The following PCDH15 variants were observed in gnomAD, a reference collection of about 807,000 sequenced individuals.
PCDH15 encodes protocadherin-15.
PCDH15 carries 129 observed loss-of-function variants against 178.5 expected under a neutral mutation model. The observed-to-expected ratio is 0.72, with a 90% CI of 0.63 to 0.84. The LOEUF is 0.84. Ranked by LOEUF, PCDH15 falls within the 40% of genes least tolerant of loss-of-function variation. The pLI is 0.00. For missense variants in PCDH15, 2,230 were observed against 2,099.9 expected (o/e 1.06, Z -1.21); for synonymous variants, 800 against 732.0 (o/e 1.09, Z -1.50).
At chr10:55,352,781 T>TG (rs1404603243) in intron 2 of PCDH15, among the ~76,000 whole-genome samples, 3 of 152,118 alleles carry the variant, frequency 2.0e-5, no homozygotes, top group South Asian at 2.1e-4. Context: ...ACCAGCTGAG[T>TG]GGTTGGACTG....
At chr10:55,358,670 T>C (rs145451383) in intron 2 of PCDH15, among the ~76,000 whole-genome samples, 4 of 152,166 alleles carry the variant, frequency 2.6e-5, no homozygotes, top group Non-Finnish European at 4.4e-5. Context: ...CATTTTGCAG[T>C]AGATGGAATT....
At chr10:54,393,554 A>G (rs1322287088) in intron 3 of PCDH15, among the ~76,000 whole-genome samples, 1 of 152,220 alleles carries the variant, frequency 6.6e-6, no homozygotes, top group Non-Finnish European at 1.5e-5. Context: ...ATATCAACTC[A>G]TTATTCAAGC....
chr10:53,905,509 G>GT (rs1326312930), intron 25 of PCDH15, among the ~76,000 whole-genome samples: 3 of 151,882 alleles, frequency 2.0e-5, no homozygotes, highest in Middle Eastern at 3.4e-3. Flanking sequence ...AATTTTTTGT[G>GT]TTTTTTTAGT....
At chr10:55,538,925 T>C (rs866310302) in intron 2 of PCDH15, among the ~76,000 whole-genome samples, 3 of 49,682 alleles carry the variant, frequency 6.0e-5, no homozygotes, top group South Asian at 1.0e-3. Context: ...CTTCCTTCCT[T>C]CCTCCTTTCC....
intron 3 of PCDH15, among the ~76,000 whole-genome samples, chr10:54,497,206 A>G (rs915910772): frequency 1.3e-5 from 2 of 151,932 alleles, no homozygotes; most frequent in Non-Finnish European, 2.9e-5. Context: ...AGCATAAAGA[A>G]AGAAAGCCAA....
intron 13 of PCDH15, among the ~76,000 whole-genome samples, chr10:54,160,586 T>A (rs2045606899): frequency 6.6e-6 from 1 of 152,152 alleles, no homozygotes; most frequent in South Asian, 2.1e-4. Context: ...GCTTTTTCTC[T>A]ACCAAAAACA....
intron 2 of PCDH15, among the ~76,000 whole-genome samples, chr10:54,528,692 C>A (rs145951867): frequency 6.6e-6 from 1 of 151,814 alleles, no homozygotes. Context: ...ATTTTTCTTA[C>A]GAAAAGGTAA....
intron 1 of PCDH15, among the ~76,000 whole-genome samples, chr10:54,667,720 C>A (rs2094593725): frequency 6.6e-6 from 1 of 151,916 alleles, no homozygotes; most frequent in East Asian, 1.9e-4. Context: ...AATTTATTGG[C>A]TAATAATGTT....
intron 8 of PCDH15, among the ~76,000 whole-genome samples, chr10:54,248,481 A>G (rs2056199960): frequency 6.6e-6 from 1 of 152,040 alleles, no homozygotes; most frequent in Non-Finnish European, 1.5e-5. Context: ...GTTGAAGTGA[A>G]ATTTCTTAAT....
intron 2 of PCDH15, among the ~76,000 whole-genome samples, chr10:54,636,514 T>C (rs188351852): frequency 1.3e-5 from 2 of 152,162 alleles, no homozygotes; most frequent in East Asian, 3.9e-4. Context: ...AATTTATAAA[T>C]GTCATGAATG....
chr10:54,461,669 AC>A (rs1430918815), intron 3 of PCDH15, among the ~76,000 whole-genome samples: 15 of 152,138 alleles, frequency 9.9e-5, no homozygotes, highest in Admixed American at 2.6e-4. Flanking sequence ...ACCTTGAGAA[AC>A]TTTTTTTCAA....
At chr10:54,177,005 G>A (rs574456956) in intron 13 of PCDH15, among the ~76,000 whole-genome samples, 4 of 151,684 alleles carry the variant, frequency 2.6e-5, no homozygotes, top group Non-Finnish European at 5.9e-5. Context: ...ATTAATAATG[G>A]CCAAAACTTG....
intron 2 of PCDH15, among the ~76,000 whole-genome samples, chr10:54,636,171 A>G (rs1253112042): frequency 6.6e-6 from 1 of 152,024 alleles, no homozygotes; most frequent in Non-Finnish European, 1.5e-5. Context: ...AAGGTAAAAC[A>G]TTAGACTAAT....
intron 1 of PCDH15, among the ~76,000 whole-genome samples, chr10:55,193,242 C>A (rs1343371474): frequency 6.6e-6 from 1 of 151,212 alleles, no homozygotes; most frequent in South Asian, 2.1e-4. Context: ...ATAGCAAGCA[C>A]CAATTAAAGA....
chr10:54,605,985 T>C (rs184840918), intron 2 of PCDH15: 1 of 152,154 alleles, frequency 6.6e-6, no homozygotes, highest in Admixed American at 6.6e-5. Context: ...GTGGGAGAAT[T>C]TGTGGAAATA....
intron 13 of PCDH15, among the ~76,000 whole-genome samples, chr10:54,177,767 T>A (rs746565753): frequency 6.6e-6 from 1 of 152,180 alleles, no homozygotes; most frequent in Non-Finnish European, 1.5e-5. Flanking sequence ...TGCATCATGA[T>A]ATAGCTGCCT....
chr10:54,692,704 T>TCCCTGATTGAGTAACTCCAAACAC (rs1565956091), intron 1 of PCDH15, among the ~76,000 whole-genome samples: 2 of 152,120 alleles, frequency 1.3e-5, no homozygotes, highest in Admixed American at 6.6e-5. Flanking sequence ...ACTCCAAACA[T>TCCCTGATTGAGTAACTCCAAACAC]CCCTGATTGA....
At chr10:54,669,159 G>A (rs746156718) in intron 1 of PCDH15, among the ~76,000 whole-genome samples, 34 of 152,056 alleles carry the variant, frequency 2.2e-4, no homozygotes, top group Non-Finnish European at 4.4e-4. Flanking sequence ...TCAGCATGGT[G>A]GTAAATATTA....
intron 2 of PCDH15, among the ~76,000 whole-genome samples, chr10:54,567,302 C>T (rs2089184793): frequency 6.6e-6 from 1 of 152,022 alleles, no homozygotes. Context: ...ATTCATTTGA[C>T]ACTGTCTTTC....
Sources: gnomAD v4.1 joint callset for allele counts (sites outside exome capture counted in the v4.1 genomes callset) on GRCh38, gnomAD v4.1.1 for gene constraint, MANE v1.5 for transcripts, NCBI Gene and HGNC (gene_info 2026-07-23, HGNC 2026-07-21) for gene names.